The following EXOC6 variants were observed in gnomAD, a reference collection of about 807,000 sequenced individuals.
EXOC6 encodes the protein SEC15-like 1.
A neutral mutation model predicts 112.5 loss-of-function variants in EXOC6; 60 were observed. The ratio of observed to expected loss-of-function variants is 0.53; its 90% CI spans 0.43 to 0.66. EXOC6 has a LOEUF of 0.66. Ranked by LOEUF, EXOC6 falls within the 30% of genes least tolerant of loss-of-function variation. The pLI, the probability that EXOC6 is intolerant of heterozygous loss-of-function variation, is 0.00. For missense variants in EXOC6, 855 were observed against 957.1 expected (o/e 0.89, Z 1.41); for synonymous variants, 295 against 308.0 (o/e 0.96, Z 0.44).
At chr10:92,833,108 G>T (rs898970370), upstream of EXOC6, among the ~76,000 whole-genome samples, 3 of 152,214 alleles carry the variant, frequency 2.0e-5, no homozygotes, top group African/African-American at 7.2e-5. Flanking sequence ...GGGGGCTATT[G>T]GTGGGGTTGA....
chr10:92,828,199 G>A (rs146742173), intron 1 of EXOC6, among the ~76,000 whole-genome samples: 187 of 152,104 alleles, frequency 1.2e-3, no homozygotes, highest in African/African-American at 4.2e-3. Flanking sequence ...CAATCTTTAC[G>A]TCTTTTATTT....
At chr10:92,858,027 C>CCCCG (rs769661418) in intron 1 of EXOC6, among the ~76,000 whole-genome samples, 2 of 137,914 alleles carry the variant, frequency 1.5e-5, no homozygotes, top group South Asian at 2.8e-4. Context: ...CGGGTTCCCC[C>CCCCG]CCTCCGCCGG....
At chr10:92,897,923 C>T (rs918977783) in intron 4 of EXOC6, among the ~76,000 whole-genome samples, 1 of 152,140 alleles carries the variant, frequency 6.6e-6, no homozygotes, top group Non-Finnish European at 1.5e-5. Context: ...GTACGCCTGA[C>T]GACTTGGGCA....
chr10:93,054,030 C>T (rs761273161), intron 20 of EXOC6, among the ~76,000 whole-genome samples: 15 of 152,202 alleles, frequency 9.9e-5, no homozygotes, highest in Non-Finnish European at 1.9e-4. Flanking sequence ...AGGCAGTCAC[C>T]AGCTTCTATA....
At chr10:93,015,767 A>C (rs963772671) in intron 20 of EXOC6, among the ~76,000 whole-genome samples, 1 of 152,072 alleles carries the variant, frequency 6.6e-6, no homozygotes, top group African/African-American at 2.4e-5. Flanking sequence ...GTGTGGAAAT[A>C]ATTGGTATAT....
intron 8 of EXOC6, 31 bp downstream of exon 8, chr10:92,920,081 G>A (rs1438030317): frequency 1.5e-6 from 2 of 1,350,316 alleles, no homozygotes; most frequent in Non-Finnish European, 1.0e-6. Flanking sequence ...TGTATATATA[G>A]CTTTATATTA....
intron 1 of EXOC6, among the ~76,000 whole-genome samples, chr10:92,892,622 C>A (rs1203153066): frequency 6.6e-6 from 1 of 152,202 alleles, no homozygotes; most frequent in Non-Finnish European, 1.5e-5. Context: ...ACTTACCAGG[C>A]AGGGTATGCC....
At chr10:92,956,220 G>A (rs1487352517) in intron 17 of EXOC6, among the ~76,000 whole-genome samples, 1 of 152,014 alleles carries the variant, frequency 6.6e-6, no homozygotes, top group Non-Finnish European at 1.5e-5. Context: ...GTTGTTTTAG[G>A]TAGAATGTAA....
chr10:93,002,139 C>A (rs1429086570), intron 19 of EXOC6, among the ~76,000 whole-genome samples: 1 of 151,996 alleles, frequency 6.6e-6, no homozygotes, highest in Non-Finnish European at 1.5e-5. Context: ...TGTATTCCTC[C>A]CCCCCTTTTT....
Position 92,997,592 on chromosome 10 carries a change from A to G in EXOC6, c.2072A>G (p.Asn691Ser). ...AGCATGGGAGCTGTTCAGCAGTTTA[A>G]CTTAGATGTCATACAGTGTGAATGT... The part of the protein sequence containing the change: ...QISMGAVQQF[N>S]LDVIQCELFA... The change falls in exon 19 of 22, where the codon AAC becomes AGC. Residue 691 changes from asparagine (N) to serine (S), a missense_variant. Asn to Ser is a conservative substitution (Grantham distance 46). This residue lies in a region of EXOC6 where 450 missense variants were observed against 563.5 expected (regional missense o/e 0.80). Coordinates refer to ENST00000260762, the MANE Select transcript of EXOC6 (RefSeq NM_019053.6). 1 of 1,612,336 alleles carries G rather than the reference A, an allele frequency of 6.2e-7. No individual in the cohort carries two copies. The highest frequency in any genetic ancestry group is 8.5e-7 in the Non-Finnish European group (1 of 1,179,024).
chr10:92,872,566 G>A (rs1189187358), intron 1 of EXOC6, among the ~76,000 whole-genome samples: 1 of 151,920 alleles, frequency 6.6e-6, no homozygotes, highest in African/African-American at 2.4e-5. Flanking sequence ...TTCTTGGATT[G>A]AGAGAGATAT....
intron 18 of EXOC6, among the ~76,000 whole-genome samples, chr10:92,982,522 A>G (rs1053950631): frequency 1.4e-5 from 2 of 146,110 alleles, no homozygotes; most frequent in African/African-American, 2.6e-5. Context: ...CCAGAGAATC[A>G]TTGTTACATA....
chr10:93,003,683 C>T (rs1296455873), intron 19 of EXOC6, among the ~76,000 whole-genome samples: 2 of 152,094 alleles, frequency 1.3e-5, no homozygotes, highest in South Asian at 2.1e-4. Flanking sequence ...TGGCTGGGTA[C>T]GAGACAGGTA....
At chr10:92,941,441 T>C (rs1852663733) in intron 13 of EXOC6, among the ~76,000 whole-genome samples, 1 of 152,230 alleles carries the variant, frequency 6.6e-6, no homozygotes, top group South Asian at 2.1e-4. Context: ...CTTTTGGGTT[T>C]ATACCCAGAA....
At chr10:92,916,417 T>C (rs1851091846) in intron 7 of EXOC6, among the ~76,000 whole-genome samples, 2 of 151,938 alleles carry the variant, frequency 1.3e-5, no homozygotes, top group African/African-American at 4.8e-5. Context: ...AGCTGAGACA[T>C]GAGAATTGCT....
rs1299629671 is a variant in EXOC6 at position 92,975,790 on chromosome 10, TG to T, written c.1953+1565del. Reference sequence around the variant, plus strand: ...CCAGCCGCCCCATCCGGGAGGGAGGTGGGGGGGTCAGCCCCCGCGCCCGGCC... The same window carrying T: ...CCAGCCGCCCCATCCGGGAGGGAGGTGGGGGGTCAGCCCCCGCGCCCGGCC... On this transcript the variant is annotated intron_variant, in intron 18 of 21. Transcript: ENST00000260762. Among the ~76,000 whole-genome samples, 6 of 77,840 alleles carry T rather than the reference TG, an allele frequency of 7.7e-5. No individual in the cohort carries two copies. The Admixed American group carries it at 7.7e-4, about 10-fold the overall frequency. 51.1% of individuals were successfully genotyped at this position (77,840 alleles called of 152,430 possible).
intron 1 of EXOC6, among the ~76,000 whole-genome samples, chr10:92,842,303 G>A (rs188305607): frequency 9.4e-5 from 14 of 149,210 alleles, no homozygotes; most frequent in African/African-American, 3.5e-4. Context: ...AGGTTGCAGT[G>A]AGCTGAGATC....
chr10:92,852,917 G>T (rs1400389002), intron 1 of EXOC6, among the ~76,000 whole-genome samples: 1 of 151,816 alleles, frequency 6.6e-6, no homozygotes, highest in Non-Finnish European at 1.5e-5. Flanking sequence ...ATATAAGGCC[G>T]GTATAATAAG....
upstream of EXOC6, among the ~76,000 whole-genome samples, chr10:92,834,518 A>G (rs1846598596): frequency 6.6e-6 from 1 of 152,220 alleles, no homozygotes; most frequent in African/African-American, 2.4e-5. Flanking sequence ...GTAAAATGTT[A>G]TAAGTGGAAA....
Sources: gnomAD v4.1 joint callset for allele counts (sites outside exome capture counted in the v4.1 genomes callset) on GRCh38, gnomAD v4.1.1 for gene constraint, gnomAD v4.1.1 regional missense constraint, MANE v1.5 for transcripts, NCBI Gene and HGNC (gene_info 2026-07-23, HGNC 2026-07-21) for gene names.